Variants in SLC6A19 observed in about 807,000 individuals in gnomAD.
The protein encoded by SLC6A19 is sodium-dependent neutral amino acid transporter B(0)AT1.
A neutral mutation model predicts 68.3 loss-of-function variants in SLC6A19; 67 were observed. That is an observed-to-expected ratio of 0.98 (90% CI 0.81 to 1.20). SLC6A19 has a LOEUF of 1.20. Ranked by LOEUF, SLC6A19 falls within the 50% of genes most tolerant of loss-of-function variation. The pLI is 0.00. For synonymous variants in SLC6A19, 392 were observed against 374.9 expected (o/e 1.05, Z -0.53); for missense variants, 813 against 851.6 (o/e 0.95, Z 0.56).
Position 1,222,428 on chromosome 5 carries a change from A to G in SLC6A19, c.*524A>G, listed in dbSNP as rs1346855834. The G allele has an allele frequency of 4.5e-6, 2 of 441,778 alleles. No homozygotes were observed. The highest frequency in any genetic ancestry group is 3.9e-5 in the African/African-American group (2 of 50,872). The allele number at this position is 441,778 out of a possible 1,614,324, so 27.4% of individuals were successfully genotyped here. A position where few individuals can be genotyped will look rare whatever the true frequency, so the allele number is the denominator to read the frequency against. On this transcript the variant is annotated 3_prime_UTR_variant, in exon 12 of 12. Coordinates refer to ENST00000304460, the MANE Select transcript of SLC6A19 (RefSeq NM_001003841.3). ...CTGTGAGTGTATATACATGCATGCA[A>G]TTGTGTGTATGTGTGTTCTGTGTGT...
At position 1,221,796 on chromosome 5, in the gene SLC6A19, C is replaced by G. The variant is rs779411644; in HGVS notation, c.1797C>G (p.Gly599=). 4 of 1,614,200 alleles carry G rather than the reference C, an allele frequency of 2.5e-6. No individual in the cohort carries two copies. In the South Asian group the frequency reaches 4.4e-5, roughly 18 times the overall value. Residue 599 remains glycine (G), a synonymous_variant, in exon 12 of 12, where the codon GGC becomes GGG. Transcript: ENST00000304460. ...GAGTGCCCTCCCTCACCATCCCTGG[C>G]TATGCCATCTACAAGCTCATCAGGA... ...VAGVPSLTIP[G]YAIYKLIRNH... is the part of the protein sequence containing the mutation.
chr5:1,221,586 A>C (rs1746382592), intron 11 of SLC6A19, 115 bp from the exon 12 acceptor site: 1 of 1,361,926 alleles, frequency 7.3e-7, no homozygotes, highest in African/African-American at 1.4e-5. Flanking sequence ...GCCCCAGGCC[A>C]CCCTGCCTGC....
At chr5:1,205,639 G>T (rs1195736208) in intron 1 of SLC6A19, among the ~76,000 whole-genome samples, 1 of 152,258 alleles carries the variant, frequency 6.6e-6, no homozygotes, top group Admixed American at 6.5e-5. Flanking sequence ...GAAGCGATAG[G>T]AAGACCCGAG....
chr5:1,203,679 C>T (rs945672262), intron 1 of SLC6A19, among the ~76,000 whole-genome samples: 1 of 152,262 alleles, frequency 6.6e-6, no homozygotes, highest in African/African-American at 2.4e-5. Flanking sequence ...GCAGTCGCCC[C>T]GGCCTGGAGG....
At chr5:1,206,870 C>G (rs765669836) in intron 1 of SLC6A19, among the ~76,000 whole-genome samples, 1 of 152,200 alleles carries the variant, frequency 6.6e-6, no homozygotes. Context: ...ATCAGGCTCA[C>G]TGGGGTTTGG....
chr5:1,204,073 C>CAT (rs1314200818), intron 1 of SLC6A19, among the ~76,000 whole-genome samples: 2 of 152,204 alleles, frequency 1.3e-5, no homozygotes, highest in African/African-American at 4.8e-5. Context: ...CCCCAGCATG[C>CAT]ATGCCTTGTC....
chr5:1,210,593 C>CA lies in SLC6A19; in HGVS notation c.481+14dup. ...CGAGAACCAGACAGGTGAGTCCTTG[C>CA]AAGCAGCCCCATCCGTCTCACCTGT... On this transcript the variant is annotated intron_variant, in intron 3 of 11. Transcript: ENST00000304460. 6.2e-7 allele frequency: 1 copy of CA among 1,611,884 alleles called. No homozygotes were observed. Among genetic ancestry groups the CA allele is most frequent in the Non-Finnish European group, 8.5e-7 (1 of 1,179,990 alleles).
At position 1,222,205 on chromosome 5, in the gene SLC6A19, A is replaced by C. The variant is rs1406055106; in HGVS notation, c.*301A>C. The C allele has an allele frequency of 1.7e-6, 1 of 589,674 alleles. No individual in the cohort carries two copies. The highest frequency in any genetic ancestry group is 3.0e-6 in the Non-Finnish European group (1 of 331,370). 36.5% of individuals were successfully genotyped at this position (589,674 alleles called of 1,614,324 possible). On this transcript the variant is annotated 3_prime_UTR_variant, in exon 12 of 12. Transcript: ENST00000304460. ...TGTCATGTTGTGTGTGTGCATGTAC[A>C]TGTATGGACATTGTGTGAGTGTGCA...
intron 2 of SLC6A19, 86 bp from the exon 3 acceptor site, chr5:1,210,358 C>G: frequency 1.9e-6 from 3 of 1,579,790 alleles, no homozygotes; most frequent in Non-Finnish European, 2.6e-6. Flanking sequence ...CCTGTGCCAG[C>G]CCTGGGACCT....
chr5:1,210,109 C>CATCCAGCA (rs1308383740), intron 2 of SLC6A19, among the ~76,000 whole-genome samples: 6 of 152,270 alleles, frequency 3.9e-5, no homozygotes, highest in Non-Finnish European at 2.9e-5. Flanking sequence ...TCTGCGAAGG[C>CATCCAGCA]GGTGGCCTGG....
intron 11 of SLC6A19, 140 bp from the exon 12 acceptor site, chr5:1,221,561 G>C: frequency 2.6e-6 from 3 of 1,152,154 alleles, no homozygotes; most frequent in Non-Finnish European, 2.5e-6. Context: ...GTAGGGGAAA[G>C]GGGAAGCTGG....
At chr5:1,208,673 GCCTGCTCCCGAGGGAGGCCTT>G (rs1745924025) in intron 1 of SLC6A19, 52 bp from the exon 2 acceptor site, 8 of 1,606,178 alleles carry the variant, frequency 5.0e-6, no homozygotes, top group South Asian at 3.3e-5. Flanking sequence ...TGCTGTGAAT[GCCTGCTCCCGAGGGAGGCCTT>G]CCTGCTCCCC....
At chr5:1,213,188 A>C (rs1746095261) in intron 4 of SLC6A19, among the ~76,000 whole-genome samples, 1 of 81,462 alleles carries the variant, frequency 1.2e-5, no homozygotes, top group Non-Finnish European at 2.3e-5. Flanking sequence ...CGGACTCCAC[A>C]GGCCTGGCCC....
In SLC6A19 at chr5:1,216,965, C is replaced by T. The variant is rs982302856; in HGVS notation, c.1173+20C>T. 4.9e-5 allele frequency: 79 copies of T among 1,611,482 alleles called. No homozygotes were observed. The highest frequency in any genetic ancestry group is 6.4e-5 in the Non-Finnish European group (76 of 1,179,930). ...TCAGAGGTAGGTCCATTCCGGAGCT[C>T]GAGGCAGGGAGAGGGCACCCCTTGC... On this transcript the variant is annotated intron_variant, in intron 8 of 11. Transcript: ENST00000304460.
In SLC6A19 at chr5:1,224,668, C is replaced by CA. The variant is rs1371982104; in HGVS notation, c.*2765dup. ...ACTCATGGATTTGGAGTTGTGGCCA[C>CA]ACGGTTGAGGGGTGCAGTGTCCAGT... is the stretch of plus-strand genomic sequence containing the variant. On this transcript the variant is annotated 3_prime_UTR_variant, in exon 12 of 12. Transcript: ENST00000304460. 1 of 152,356 alleles carries CA rather than the reference C, an allele frequency of 6.6e-6. No individual in the cohort carries two copies. The highest frequency in any genetic ancestry group is 1.9e-4 in the East Asian group (1 of 5,196). The allele number at this position is 152,356 out of a possible 1,614,324, so 9.4% of individuals were successfully genotyped here.
At chr5:1,207,021 G>A (rs1745872347) in intron 1 of SLC6A19, among the ~76,000 whole-genome samples, 1 of 152,356 alleles carries the variant, frequency 6.6e-6, no homozygotes, top group East Asian at 1.9e-4. Context: ...CCAGCCTGGG[G>A]CAGGCGCGAC....
intron 10 of SLC6A19, 150 bp from the exon 11 acceptor site, chr5:1,221,001 C>A: frequency 1.1e-6 from 1 of 940,720 alleles, no homozygotes; most frequent in Non-Finnish European, 1.6e-6. Context: ...GAGGAGGCAC[C>A]CATGACCAGG....
chr5:1,216,734 A>AAGCCTCCC, intron 7 of SLC6A19, 48 bp downstream of exon 7: 6 of 1,613,624 alleles, frequency 3.7e-6, no homozygotes, highest in Non-Finnish European at 4.2e-6. Context: ...CGCCTCCAGG[A>AAGCCTCCC]AGCCTCCCAG....
rs1390386977 is a variant in SLC6A19, at chr5:1,201,947, G to A, written c.202+95G>A. The A allele has an allele frequency of 1.5e-5, 21 of 1,446,978 alleles. No homozygotes were observed. In the South Asian group the frequency reaches 2.8e-4, roughly 19 times the overall value. The allele number at this position is 1,446,978 out of a possible 1,614,324, so 89.6% of individuals were successfully genotyped here. ...GGCAGACATCCTCCCCGGACCCTCG[G>A]CTCCCCAAGCACGGAGGGGAGAGGA... On this transcript the variant is annotated intron_variant, in intron 1 of 11. Transcript: ENST00000304460.
Sources: allele counts gnomAD v4.1 joint callset (sites outside exome capture counted in the v4.1 genomes callset), GRCh38; gene constraint gnomAD v4.1.1; transcripts MANE v1.5; gene names NCBI Gene and HGNC (gene_info 2026-07-23, HGNC 2026-07-21).